Variants in AFDN observed in about 807,000 individuals in gnomAD.
AFDN encodes the protein afadin.
AFDN carries 68 observed loss-of-function variants against 216.6 expected under a neutral mutation model. The ratio of observed to expected loss-of-function variants is 0.31; its 90% CI spans 0.26 to 0.38. The LOEUF is 0.38. Ranked by LOEUF, AFDN falls within the 10% of genes least tolerant of loss-of-function variation. AFDN has a pLI of 1.00. For synonymous variants in AFDN, 868 were observed against 853.7 expected, an observed-to-expected ratio of 1.02 and a Z score of -0.29; for missense variants, 2,136 against 2,342.0, an observed-to-expected ratio of 0.91 and a Z score of 1.82.
At chr6:167,952,355 G>A in intron 30 of AFDN, 168 bp downstream of exon 30, 1 of 1,501,630 alleles carries the variant, frequency 6.7e-7, no homozygotes, top group Non-Finnish European at 8.9e-7. Context: ...GTAGAGAAAT[G>A]AGTCAGGCCT....
intron 30 of AFDN, among the ~76,000 whole-genome samples, chr6:167,956,953 A>C (rs1347140233): frequency 6.6e-6 from 1 of 152,188 alleles, no homozygotes; most frequent in African/African-American, 2.4e-5. Flanking sequence ...GAATGTCCTC[A>C]CAGCCCTCCT....
intron 9 of AFDN, among the ~76,000 whole-genome samples, chr6:167,896,623 A>G (rs927930585): frequency 6.6e-6 from 1 of 152,218 alleles, no homozygotes; most frequent in African/African-American, 2.4e-5. Context: ...GCCTTTTTCA[A>G]TGTAATAAGA....
intron 25 of AFDN, 46 bp from the exon 26 acceptor site, chr6:167,943,895 G>A (rs1794977375): frequency 1.4e-6 from 2 of 1,474,888 alleles, no homozygotes; most frequent in Non-Finnish European, 1.9e-6. Flanking sequence ...GACAGAGCAG[G>A]CACTGCGTTT....
intron 30 of AFDN, among the ~76,000 whole-genome samples, chr6:167,957,983 A>AC (rs1020885996): frequency 2.2e-4 from 33 of 152,254 alleles, no homozygotes; most frequent in Middle Eastern, 3.4e-3. Flanking sequence ...GGGTCCCCAA[A>AC]CCCACCATGG....
At chr6:167,826,870 G>GCGCGCAC (rs1562506936), upstream of AFDN, 3 of 145,070 alleles carry the variant, frequency 2.1e-5, no homozygotes, top group African/African-American at 7.4e-5. Context: ...GCGGCGGGCG[G>GCGCGCAC]GGCGCGGGCG....
At chr6:167,837,384 C>CTT in intron 1 of AFDN, among the ~76,000 whole-genome samples, 1 of 124,262 alleles carries the variant, frequency 8.0e-6, no homozygotes, top group South Asian at 2.6e-4. Context: ...GCTTTTCAGG[C>CTT]TTTTTTTTTT....
At chr6:167,869,455 G>C (rs149449383) in intron 2 of AFDN, among the ~76,000 whole-genome samples, 3 of 152,292 alleles carry the variant, frequency 2.0e-5, no homozygotes, top group African/African-American at 7.2e-5. Flanking sequence ...TGTAGCACTG[G>C]CTCAAAGAAC....
chr6:167,855,142 C>G (rs901783790), intron 1 of AFDN, among the ~76,000 whole-genome samples: 1 of 152,008 alleles, frequency 6.6e-6, no homozygotes, highest in Admixed American at 6.6e-5. Flanking sequence ...TTAGTTGACA[C>G]AGTTTTCAAG....
chr6:167,962,356 A>G lies in AFDN; in HGVS notation c.4834-77A>G, dbSNP rs1290994904. 45 of 1,585,778 alleles carry G rather than the reference A, an allele frequency of 2.8e-5. 1 individual carries two copies. The highest frequency in any genetic ancestry group is 5.6e-5 in the South Asian group (5 of 88,724). ...TGTGTGTTTGTGTATATGTGTGTCT[A>G]CTTGTCTTAATGTGTGCATTTTATG... is the stretch of plus-strand genomic sequence containing the variant. On this transcript the variant is annotated intron_variant, in intron 30 of 33. Transcript: ENST00000683244. This position sits in a 1 kb window ranked among gnomAD's most constrained non-coding sequence, Gnocchi z 5.2.
intron 8 of AFDN, among the ~76,000 whole-genome samples, chr6:167,891,272 C>A (rs907462505): frequency 6.6e-6 from 1 of 151,956 alleles, no homozygotes; most frequent in Non-Finnish European, 1.5e-5. Flanking sequence ...TATTCAGAAA[C>A]CAAATTTAGT....
Position 167,952,506 on chromosome 6 carries a change from A to G in AFDN, c.4833+319A>G, listed in dbSNP as rs566417819. On this transcript the variant is annotated intron_variant, in intron 30 of 33. Transcript: ENST00000683244. ...AGAAAACAAGTATTTGTTAATGACC[A>G]GTAATAATCTTGATCCAGGGTAGGC... 7 of 985,430 alleles carry G rather than the reference A, an allele frequency of 7.1e-6. No homozygotes were observed. In the East Asian group the frequency reaches 6.8e-4, roughly 96 times the overall value. 61.0% of individuals were successfully genotyped at this position (985,430 alleles called of 1,614,324 possible). A position where few individuals can be genotyped will look rare whatever the true frequency, so the allele number is the denominator to read the frequency against.
At chr6:167,934,447 T>C (rs1793726169) in intron 23 of AFDN, among the ~76,000 whole-genome samples, 1 of 152,236 alleles carries the variant, frequency 6.6e-6, no homozygotes, top group Non-Finnish European at 1.5e-5. Flanking sequence ...ATCTTTAGAA[T>C]GTTTTTAAAA....
At position 167,890,987 on chromosome 6, in the gene AFDN, C is replaced by T; in HGVS notation, c.1135C>T (p.Leu379Phe). 2 of 1,614,058 alleles carry T rather than the reference C, an allele frequency of 1.2e-6. No homozygotes were observed. The highest frequency in any genetic ancestry group is 1.1e-5 in the South Asian group (1 of 91,060). ...RADGSGYGST[L>F]PPEKLPYLVE... is the part of the protein sequence containing the mutation. ...TGACGGGTCTGGCTATGGCTCCACC[C>T]TTCCTCCGGAGAAGCTGCCCTATTT... Residue 379 changes from leucine (L) to phenylalanine (F), a missense_variant, in exon 8 of 34, where the codon CTT becomes TTT. Around this residue, in one of 8 missense-constraint regions of AFDN, gnomAD observed 817 missense variants for 965.7 expected, o/e 0.85. Transcript: ENST00000683244.
At chr6:167,910,046 CA>C (rs1213260809) in intron 13 of AFDN, among the ~76,000 whole-genome samples, 1 of 152,172 alleles carries the variant, frequency 6.6e-6, no homozygotes, top group Non-Finnish European at 1.5e-5. Context: ...GTTCTAATCA[CA>C]TGGCTAAGTG....
In AFDN at chr6:167,917,131, A is replaced by T; in HGVS notation, c.2608A>T (p.Ile870Phe). ...CATGGATAAGTATGCACCTGATGAC[A>T]TTCCAAATATAAACAGCACCTGCTT... ...LTMDKYAPDD[I>F]PNINSTCFKL... Residue 870 changes from isoleucine (I) to phenylalanine (F), a missense_variant, in exon 20 of 34, where the codon ATT becomes TTT. Transcript: ENST00000683244. The T allele has an allele frequency of 6.2e-7, 1 of 1,613,532 alleles. No individual in the cohort carries two copies. Among genetic ancestry groups the T allele is most frequent in the Non-Finnish European group, 8.5e-7 (1 of 1,179,824 alleles).
chr6:167,891,709 A>G (rs1787638757), intron 8 of AFDN, among the ~76,000 whole-genome samples: 1 of 152,152 alleles, frequency 6.6e-6, no homozygotes, highest in Non-Finnish European at 1.5e-5. Context: ...GGTAGAGTGT[A>G]TATTTGCACA....
At chr6:167,897,642 CTTTTTTTTT>C (rs57383020) in intron 10 of AFDN, among the ~76,000 whole-genome samples, 1 of 89,722 alleles carries the variant, frequency 1.1e-5, no homozygotes, top group Non-Finnish European at 2.0e-5. Context: ...GACTGTATGC[CTTTTTTTTT>C]TTTTTTTTTT....
chr6:167,869,430 A>G (rs1219495900), intron 2 of AFDN, among the ~76,000 whole-genome samples: 2 of 152,216 alleles, frequency 1.3e-5, no homozygotes, highest in Non-Finnish European at 2.9e-5. Flanking sequence ...AGGTCACTCA[A>G]TACCTGTTTA....
intron 23 of AFDN, among the ~76,000 whole-genome samples, chr6:167,942,483 A>G (rs4708416): frequency 0.45 from 69,070 of 151,872 alleles, 16,345 homozygotes; most frequent in East Asian, 0.8. Flanking sequence ...ATTGTTATAG[A>G]GTTAGGTTTA....
Sources: allele counts gnomAD v4.1 joint callset (sites outside exome capture counted in the v4.1 genomes callset), GRCh38; gene constraint gnomAD v4.1.1; regional missense constraint gnomAD v4.1.1; non-coding constraint Gnocchi (gnomAD v3.1); transcripts MANE v1.5; gene names NCBI Gene and HGNC (gene_info 2026-07-23, HGNC 2026-07-21).